The following TRPC3 variants were observed in gnomAD, a reference collection of about 807,000 sequenced individuals.
TRPC3 encodes short transient receptor potential channel 3.
Under a neutral mutation model 90.9 loss-of-function variants are expected in TRPC3, and 54 were observed. The observed-to-expected ratio is 0.59, with a 90% CI of 0.48 to 0.75. The LOEUF is 0.75. Ranked by LOEUF, TRPC3 falls within the 30% of genes least tolerant of loss-of-function variation. TRPC3 has a pLI of 0.00. For synonymous variants in TRPC3, 424 were observed against 450.9 expected, an observed-to-expected ratio of 0.94 and a Z score of 0.75; for missense variants, 918 against 1,194.5, an observed-to-expected ratio of 0.77 and a Z score of 3.41.
At chr4:121,922,406 ACTC>A (rs1389803676) in intron 3 of TRPC3, among the ~76,000 whole-genome samples, 1 of 152,178 alleles carries the variant, frequency 6.6e-6, no homozygotes, top group East Asian at 1.9e-4. Context: ...TCTAATTAAT[ACTC>A]CTTTTATAGC....
intron 10 of TRPC3, among the ~76,000 whole-genome samples, chr4:121,893,666 G>C (rs1728410259): frequency 6.6e-6 from 1 of 152,036 alleles, no homozygotes. Flanking sequence ...AATAAAAAAA[G>C]TTGTGAATGG....
intron 1 of TRPC3, among the ~76,000 whole-genome samples, chr4:121,937,081 T>C (rs1347511933): frequency 6.6e-6 from 1 of 152,212 alleles, no homozygotes; most frequent in East Asian, 1.9e-4. Flanking sequence ...TCACTTTTCC[T>C]AACTTTGCTA....
At chr4:121,908,647 G>A (rs1728971524) in intron 6 of TRPC3, among the ~76,000 whole-genome samples, 1 of 152,000 alleles carries the variant, frequency 6.6e-6, no homozygotes, top group Non-Finnish European at 1.5e-5. Context: ...AAATACAGCA[G>A]GTTTTCACTT....
At chr4:121,916,353 C>T (rs918204129) in intron 3 of TRPC3, among the ~76,000 whole-genome samples, 1 of 152,248 alleles carries the variant, frequency 6.6e-6, no homozygotes, top group African/African-American at 2.4e-5. Context: ...CTGATGGCTG[C>T]ACTGGCAGCT....
intron 10 of TRPC3, among the ~76,000 whole-genome samples, chr4:121,897,087 T>A (rs1214106720): frequency 1.3e-5 from 2 of 152,026 alleles, no homozygotes; most frequent in Non-Finnish European, 2.9e-5. Context: ...TGGATATCCA[T>A]ATGCAGAAGA....
intron 11 of TRPC3, among the ~76,000 whole-genome samples, chr4:121,880,269 T>C (rs1024666505): frequency 6.6e-6 from 1 of 152,038 alleles, no homozygotes; most frequent in African/African-American, 2.4e-5. Flanking sequence ...ATTGCTAGGA[T>C]CAAAGGGAAT....
At chr4:121,921,941 C>T (rs555679080) in intron 3 of TRPC3, among the ~76,000 whole-genome samples, 15 of 134,142 alleles carry the variant, frequency 1.1e-4, no homozygotes, top group African/African-American at 3.9e-4. Context: ...TTTTTCGAGT[C>T]GGAGTCTCGC....
Position 121,878,408 on chromosome 4 carries a change from T to G in TRPC3, c.*1328A>C, listed in dbSNP as rs1256376612. Among the ~76,000 whole-genome samples, 1 of 152,136 alleles carries G rather than the reference T, an allele frequency of 6.6e-6. No homozygotes were observed. Among genetic ancestry groups the G allele is most frequent in the Non-Finnish European group, 1.5e-5 (1 of 68,046 alleles). On this transcript the variant is annotated 3_prime_UTR_variant, in exon 12 of 12. Coordinates refer to ENST00000379645, the MANE Select transcript of TRPC3 (RefSeq NM_001130698.2). ...AGGACCTCTGAAAATCTTTGATCTA[T>G]GATCACAATTCGTATTCCTATACGA...
At position 121,911,987 on chromosome 4, in the gene TRPC3, C is replaced by G; in HGVS notation, c.1448G>C (p.Gly483Ala). The G allele has an allele frequency of 1.2e-6, 2 of 1,613,838 alleles. No homozygotes were observed. Among genetic ancestry groups the G allele is most frequent in the Non-Finnish European group, 1.7e-6 (2 of 1,179,842 alleles). Residue 483 changes from glycine (G) to alanine (A), a missense_variant, in exon 5 of 12, where the codon GGC becomes GCC. By Grantham distance (60) the Gly-to-Ala change is moderately conservative (BLOSUM62 0). Coordinates refer to ENST00000379645, the MANE Select transcript of TRPC3 (RefSeq NM_001130698.2). ...TGTGATATTGGGCAGCGTGGTGATG[C>G]CTTCGAACCTGTCTGAGGCATTGAA... ...LVFNASDRFE[G>A]ITTLPNITVT...
Position 121,932,433 on chromosome 4 carries a change from C to T in TRPC3, c.825G>A (p.Lys275=). The T allele has an allele frequency of 1.5e-5, 25 of 1,614,184 alleles. No individual in the cohort carries two copies. Among genetic ancestry groups the T allele is most frequent in the Non-Finnish European group, 2.0e-5 (24 of 1,180,034 alleles). ...YFCKCGDCME[K]QRHDSFSHSR... is the part of the protein sequence containing the mutation. ...AGTGGCTGAAGGAGTCGTGCCTCTG[C>T]TTCTCCATGCAGTCCCCGCACTTGC... Residue 275 remains lysine, a synonymous_variant, in exon 2 of 12, where the codon AAG becomes AAA. Coordinates refer to ENST00000379645, the MANE Select transcript of TRPC3 (RefSeq NM_001130698.2). This position sits in a 1 kb window ranked among gnomAD's most constrained non-coding sequence, Gnocchi z 7.7.
At chr4:121,940,911 A>C (rs942942473) in intron 1 of TRPC3, among the ~76,000 whole-genome samples, 1 of 152,132 alleles carries the variant, frequency 6.6e-6, no homozygotes, top group African/African-American at 2.4e-5. Flanking sequence ...ACCTAATACA[A>C]TGTAGTATAT....
At chr4:121,896,341 G>C (rs1408391535) in intron 10 of TRPC3, among the ~76,000 whole-genome samples, 7 of 151,952 alleles carry the variant, frequency 4.6e-5, no homozygotes, top group African/African-American at 1.7e-4. Context: ...AAGAAAGAAG[G>C]GTATCCAAAT....
At chr4:121,893,120 CA>C (rs70950857) in intron 10 of TRPC3, among the ~76,000 whole-genome samples, 147 of 105,590 alleles carry the variant, frequency 1.4e-3, no homozygotes, top group Middle Eastern at 5.3e-3. Context: ...GACTCTGTCA[CA>C]AAAAAAAAAA....
In TRPC3 at chr4:121,940,238, G is replaced by A. The variant is rs72919980; in HGVS notation, c.216-7196C>T. Among the ~76,000 whole-genome samples, 3 of 152,282 alleles carry A rather than the reference G, an allele frequency of 2.0e-5. No homozygotes were observed. In the South Asian group the frequency reaches 6.2e-4, roughly 32 times the overall value. On this transcript the variant is annotated intron_variant, in intron 1 of 11. Coordinates refer to ENST00000379645, the MANE Select transcript of TRPC3 (RefSeq NM_001130698.2). Reference sequence around the variant, plus strand: ...AAGCCTTCCCTCCTTGTCAATTCACGTAACTGCTTAATTGCTTAATTGACT... The same window carrying A: ...AAGCCTTCCCTCCTTGTCAATTCACATAACTGCTTAATTGCTTAATTGACT...
At chr4:121,903,837 C>T (rs1157029275) in intron 8 of TRPC3, among the ~76,000 whole-genome samples, 2 of 152,144 alleles carry the variant, frequency 1.3e-5, no homozygotes, top group Non-Finnish European at 2.9e-5. Context: ...GAAAACTGAA[C>T]TGAAGGACAT....
At chr4:121,888,899 G>C (rs1728225953) in intron 10 of TRPC3, among the ~76,000 whole-genome samples, 1 of 152,066 alleles carries the variant, frequency 6.6e-6, no homozygotes, top group African/African-American at 2.4e-5. Context: ...CTTACAAATG[G>C]GATTAGTGCT....
At chr4:121,891,700 C>A (rs894155393) in intron 10 of TRPC3, among the ~76,000 whole-genome samples, 1 of 152,206 alleles carries the variant, frequency 6.6e-6, no homozygotes, top group Admixed American at 6.5e-5. Context: ...AGAAAGTCAG[C>A]ACCAAGGTGG....
At chr4:121,884,547 C>T (rs1728045664) in intron 10 of TRPC3, among the ~76,000 whole-genome samples, 2 of 152,050 alleles carry the variant, frequency 1.3e-5, no homozygotes, top group African/African-American at 4.8e-5. Flanking sequence ...AAAATGCAGA[C>T]ATAGCGAGAG....
intron 1 of TRPC3, among the ~76,000 whole-genome samples, chr4:121,937,263 T>C (rs990173270): frequency 2.0e-5 from 3 of 152,190 alleles, no homozygotes; most frequent in Admixed American, 6.5e-5. Context: ...GAAAGTTCTT[T>C]ACAATTACTG....
Sources: gnomAD v4.1 joint callset for allele counts (sites outside exome capture counted in the v4.1 genomes callset) on GRCh38, gnomAD v4.1.1 for gene constraint, Gnocchi (gnomAD v3.1) non-coding constraint, MANE v1.5 for transcripts, NCBI Gene and HGNC (gene_info 2026-07-23, HGNC 2026-07-21) for gene names.